SCYL1: variants seen among roughly 807,000 people sequenced by gnomAD.
SCYL1 encodes the protein N-terminal kinase-like protein.
SCYL1 carries 85 observed loss-of-function variants against 94.8 expected under a neutral mutation model. The observed-to-expected ratio is 0.90, with a 90% CI of 0.75 to 1.07. The LOEUF (loss-of-function observed/expected upper bound fraction) is 1.07, where lower values mean the gene tolerates loss of function less well. Among genes scored for constraint, SCYL1 ranks in the 50% least tolerant of loss-of-function variants. The pLI, the probability that SCYL1 is intolerant of heterozygous loss-of-function variation, is 0.00. For synonymous variants in SCYL1, 459 were observed against 435.5 expected (o/e 1.05, Z -0.67); for missense variants, 968 against 1,083.3 (o/e 0.89, Z 1.49).
chr11:65,528,438 G>A (rs1024166807), intron 6 of SCYL1, among the ~76,000 whole-genome samples: 25 of 150,818 alleles, frequency 1.7e-4, no homozygotes, highest in African/African-American at 4.6e-4. Context: ...GCAAATCTCC[G>A]TCTCAAAACA....
Position 65,537,956 on chromosome 11 carries a change from C to G in SCYL1, c.2032-11C>G, listed in dbSNP as rs767471572. The G allele has an allele frequency of 1.2e-6, 2 of 1,605,352 alleles. No homozygotes were observed. The highest frequency in any genetic ancestry group is 1.7e-6 in the Non-Finnish European group (2 of 1,175,412). Reference sequence around the variant, plus strand: ...GGCCCAGGGCTACTTCCCCCTCCCGCTCTTCTACAGGTCAGCAACTCCGAC... The same window carrying G: ...GGCCCAGGGCTACTTCCCCCTCCCGGTCTTCTACAGGTCAGCAACTCCGAC... On this transcript the variant is annotated splice_polypyrimidine_tract_variant and intron_variant, in intron 15 of 17. Transcript: ENST00000270176.
intron 6 of SCYL1, among the ~76,000 whole-genome samples, chr11:65,530,412 A>C (rs568899874): frequency 6.6e-6 from 1 of 152,070 alleles, no homozygotes; most frequent in African/African-American, 2.4e-5. Flanking sequence ...TTTTATGTGC[A>C]TTTTCTGGTT....
At position 65,538,551 on chromosome 11, in the gene SCYL1, C is replaced by T; in HGVS notation, c.2412C>T (p.Ala804=). Residue 804 remains alanine (A), a synonymous_variant, in exon 18 of 18, where the codon GCC becomes GCT. Transcript: ENST00000270176. ...CCAAGGGCCCCATGAAGCTGGGAGC[C>T]CGGAAGCTGGACTGAACCGTGGCGG... The part of the protein sequence containing the change: ...KVAKGPMKLG[A]RKLD 1 of 1,611,652 alleles carries T rather than the reference C, an allele frequency of 6.2e-7. No homozygotes were observed. Among genetic ancestry groups the T allele is most frequent in the East Asian group, 2.2e-5 (1 of 44,848 alleles).
chr11:65,526,079 G>T lies in SCYL1; in HGVS notation c.375+36G>T, dbSNP rs374423071. ...GGGCAGTGGTGATGAGAGCAGGGATGGGGGGTTGCAGGTGCTGGGGCGTGA... is the reference window on the plus strand; with the variant it reads ...GGGCAGTGGTGATGAGAGCAGGGATTGGGGGTTGCAGGTGCTGGGGCGTGA... On this transcript the variant is annotated intron_variant, in intron 3 of 17. Coordinates refer to ENST00000270176, the MANE Select transcript of SCYL1 (RefSeq NM_020680.4). This position sits in a 1 kb window ranked among gnomAD's most constrained non-coding sequence, Gnocchi z 4.1. 4 of 1,611,354 alleles carry T rather than the reference G, an allele frequency of 2.5e-6. No individual in the cohort carries two copies. Among genetic ancestry groups the T allele is most frequent in the African/African-American group, 2.7e-5 (2 of 74,896 alleles).
In SCYL1 at chr11:65,525,554, G is replaced by T; in HGVS notation, c.112-20G>T. ...CACAACAGCTCTGGGACCATCTCAG[G>T]CCCCGCTGCCCTCCCCTAGGCCACA... On this transcript the variant is annotated intron_variant, in intron 1 of 17. Coordinates refer to ENST00000270176, the MANE Select transcript of SCYL1 (RefSeq NM_020680.4). 6.2e-7 allele frequency: 1 copy of T among 1,609,022 alleles called. No homozygotes were observed.
In SCYL1 at chr11:65,531,609, CAGA is replaced by C. The variant is rs562945480; in HGVS notation, c.1046_1048del (p.Lys349del). ...GTTCCTGAGCGCTGAGGAGTATCAGCAGAAGATCATCCCTGTGGTGGTCAAGAT... is the reference window on the plus strand; with the variant it reads ...GTTCCTGAGCGCTGAGGAGTATCAGCAGATCATCCCTGTGGTGGTCAAGAT... On this transcript the variant is annotated inframe_deletion, in exon 8 of 18. Coordinates refer to ENST00000270176, the MANE Select transcript of SCYL1 (RefSeq NM_020680.4). 1,749 of 1,614,100 alleles carry C rather than the reference CAGA, an allele frequency of 1.1e-3. No homozygotes were observed. Among genetic ancestry groups the C allele is most frequent in the Non-Finnish European group, 1.4e-3 (1,638 of 1,179,982 alleles).
chr11:65,529,365 C>T (rs1855255667), intron 6 of SCYL1, among the ~76,000 whole-genome samples: 1 of 152,190 alleles, frequency 6.6e-6, no homozygotes, highest in East Asian at 1.9e-4. Flanking sequence ...AAGTGTACCC[C>T]ATAGGAAATA....
intron 12 of SCYL1, 32 bp from the exon 13 acceptor site, chr11:65,536,554 C>T (rs552824859): frequency 8.2e-5 from 133 of 1,612,484 alleles, no homozygotes; most frequent in Non-Finnish European, 1.1e-4. Context: ...CTGACGTGCC[C>T]ATACCCACCT....
rs765479414 is a variant in SCYL1 at position 65,538,145 on chromosome 11, AC to A, written c.2214del (p.Phe739SerfsTer62). On this transcript the variant is annotated frameshift_variant, in exon 16 of 18. Transcript: ENST00000270176. LOFTEE classifies it high-confidence loss of function. ...GGCCCAGAGTCCAGCGACAAGGGCGACCCCTTCGCTACCCTGTCTGCACGTC... is the reference window on the plus strand; with the variant it reads ...GGCCCAGAGTCCAGCGACAAGGGCGACCCTTCGCTACCCTGTCTGCACGTC... ...WGGPESSDKGDPFATLSARPS... is the reference protein window; with the variant it reads ...WGGPESSDKGXPFATLSARPS... The A allele has an allele frequency of 1.3e-6, 2 of 1,598,018 alleles. No homozygotes were observed. Among genetic ancestry groups the A allele is most frequent in the Admixed American group, 3.5e-5 (2 of 57,700 alleles).
chr11:65,527,174 C>G, intron 6 of SCYL1, 57 bp downstream of exon 6: 1 of 1,580,250 alleles, frequency 6.3e-7, no homozygotes, highest in Non-Finnish European at 8.7e-7. Flanking sequence ...TGCCCCTACC[C>G]TGCTTTTCAG....
At chr11:65,529,744 TCTC>T (rs1163319290) in intron 6 of SCYL1, among the ~76,000 whole-genome samples, 2 of 152,112 alleles carry the variant, frequency 1.3e-5, no homozygotes, top group Admixed American at 6.5e-5. Context: ...TGACCCTCTG[TCTC>T]CTCCTTTGTG....
At chr11:65,533,292 C>T (rs527482697) in intron 9 of SCYL1, 1 of 161,226 alleles carries the variant, frequency 6.2e-6, no homozygotes, top group East Asian at 1.8e-4. Flanking sequence ...GATGGTGGCG[C>T]ATGCCTGTAA....
Position 65,536,342 on chromosome 11 carries a change from G to T in SCYL1, c.1651+8G>T. On this transcript the variant is annotated splice_region_variant and intron_variant, in intron 12 of 17. Transcript: ENST00000270176. Reference sequence around the variant, plus strand: ...CCCAGCTGGAGGAAGTGGGTGAGTGGCTTACACTCGTGTTCCCTCTTTCCC... The same window carrying T: ...CCCAGCTGGAGGAAGTGGGTGAGTGTCTTACACTCGTGTTCCCTCTTTCCC... 1 of 1,613,192 alleles carries T rather than the reference G, an allele frequency of 6.2e-7. No homozygotes were observed.
rs1280794154 is a variant in SCYL1 at position 65,537,951 on chromosome 11, T to C, written c.2032-16T>C. The C allele has an allele frequency of 7.5e-6, 12 of 1,601,488 alleles. No homozygotes were observed. The highest frequency in any genetic ancestry group is 1.0e-5 in the Non-Finnish European group (12 of 1,173,366). ...CCTTGGGCCCAGGGCTACTTCCCCC[T>C]CCCGCTCTTCTACAGGTCAGCAACT... is the stretch of plus-strand genomic sequence containing the variant. On this transcript the variant is annotated splice_polypyrimidine_tract_variant and intron_variant, in intron 15 of 17. Transcript: ENST00000270176.
intron 12 of SCYL1, 27 bp from the exon 13 acceptor site, chr11:65,536,559 C>T (rs1431552055): frequency 5.6e-6 from 9 of 1,612,856 alleles, no homozygotes; most frequent in Non-Finnish European, 7.6e-6. Context: ...GTGCCCATAC[C>T]CACCTCTCTC....
In SCYL1 at chr11:65,526,372, G is replaced by T; in HGVS notation, c.602+22G>T. On this transcript the variant is annotated intron_variant, in intron 4 of 17. Coordinates refer to ENST00000270176, the MANE Select transcript of SCYL1 (RefSeq NM_020680.4). The surrounding 1 kb of genome is among the most constrained non-coding windows in gnomAD (Gnocchi z 4.1). ...AGTGGTGGGTGACTGGGGGCAGCGCGCCCCAACCTGCCCTGTCCTGGAGGC... is the reference window on the plus strand; with the variant it reads ...AGTGGTGGGTGACTGGGGGCAGCGCTCCCCAACCTGCCCTGTCCTGGAGGC... 2 of 1,552,548 alleles carry T rather than the reference G, an allele frequency of 1.3e-6. No homozygotes were observed. Among genetic ancestry groups the T allele is most frequent in the African/African-American group, 2.7e-5 (2 of 73,942 alleles).
At position 65,527,600 on chromosome 11, in the gene SCYL1, C is replaced by T. The variant is rs545038595; in HGVS notation, c.849+483C>T. On this transcript the variant is annotated intron_variant, in intron 6 of 17. Coordinates refer to ENST00000270176, the MANE Select transcript of SCYL1 (RefSeq NM_020680.4). ...CTAAAAATACAAAAAATCAGCTGGG[C>T]GGGCATCTGTAATCCCAGCTACTCC... 5.3e-5 allele frequency among the ~76,000 whole-genome samples: 8 copies of T among 151,950 alleles called. No individual in the cohort carries two copies. In the East Asian group the frequency reaches 5.8e-4, roughly 11 times the overall value.
chr11:65,537,373 C>T (rs1855724103), intron 14 of SCYL1, among the ~76,000 whole-genome samples: 1 of 152,204 alleles, frequency 6.6e-6, no homozygotes, highest in Non-Finnish European at 1.5e-5. Context: ...CTTCCTCACT[C>T]TTACCCACAC....
intron 14 of SCYL1, 101 bp from the exon 15 acceptor site, chr11:65,537,708 G>A: frequency 9.7e-7 from 1 of 1,033,976 alleles, no homozygotes; most frequent in Non-Finnish European, 1.4e-6. Flanking sequence ...GAGGAGGAAG[G>A]CAAAAGACAG....
Sources: gnomAD v4.1 joint callset for allele counts (sites outside exome capture counted in the v4.1 genomes callset) on GRCh38, gnomAD v4.1.1 for gene constraint, Gnocchi (gnomAD v3.1) non-coding constraint, MANE v1.5 for transcripts, NCBI Gene and HGNC (gene_info 2026-07-23, HGNC 2026-07-21) for gene names.